EMILIN2: variants seen among roughly 807,000 people sequenced by gnomAD.
EMILIN2 encodes elastin microfibril interfacer 2.
In EMILIN2, 71 loss-of-function variants were observed where a neutral mutation model predicts 87.1. The observed-to-expected ratio is 0.82, with a 90% CI of 0.67 to 0.99. EMILIN2 has a LOEUF of 0.99. Among genes scored for constraint, EMILIN2 ranks in the 50% least tolerant of loss-of-function variants. The pLI, the probability that EMILIN2 is intolerant of heterozygous loss-of-function variation, is 0.00. For missense variants in EMILIN2, 1,407 were observed against 1,371.8 expected (o/e 1.03, Z -0.40); for synonymous variants, 581 against 563.4 (o/e 1.03, Z -0.44).
intron 2 of EMILIN2, among the ~76,000 whole-genome samples, chr18:2,878,145 T>A (rs200723220): frequency 0.17 from 14 of 82 alleles, no homozygotes; most frequent in Non-Finnish European, 0.29. Context: ...CATAACAACG[T>A]TAAGTGTGCT....
intron 2 of EMILIN2, among the ~76,000 whole-genome samples, chr18:2,879,051 G>C (rs2076763893): frequency 6.6e-6 from 1 of 152,194 alleles, no homozygotes; most frequent in South Asian, 2.1e-4. Flanking sequence ...GGTCCCCTGG[G>C]ATGATTCCCT....
At chr18:2,887,317 T>C (rs1047432824) in intron 3 of EMILIN2, among the ~76,000 whole-genome samples, 3 of 151,932 alleles carry the variant, frequency 2.0e-5, no homozygotes, top group Non-Finnish European at 4.4e-5. Flanking sequence ...TAGGAAGGAG[T>C]AAAAAGAAAT....
Position 2,906,959 on chromosome 18 carries a change from G to GC in EMILIN2, c.2537dup (p.Glu847GlyfsTer74), listed in dbSNP as rs1740310504. 2.8e-6 allele frequency: 4 copies of GC among 1,404,410 alleles called. No individual in the cohort carries two copies. 87.0% of individuals were successfully genotyped at this position (1,404,410 alleles called of 1,614,324 possible). ...GCCGCCAGGCTCCACCGGGGTCATC[G>GC]CGGAGACGGGCCAGGCCGGGCCCCC... On this transcript the variant is annotated frameshift_variant, in exon 5 of 8. Coordinates refer to ENST00000254528, the MANE Select transcript of EMILIN2 (RefSeq NM_032048.3). LOFTEE classifies it high-confidence loss of function.
At chr18:2,861,672 C>T (rs1232519303) in intron 2 of EMILIN2, among the ~76,000 whole-genome samples, 1 of 152,136 alleles carries the variant, frequency 6.6e-6, no homozygotes, top group Admixed American at 6.6e-5. Context: ...AGTGTGATGC[C>T]TCCAGCTTTG....
At position 2,880,122 on chromosome 18, in the gene EMILIN2, T is replaced by A. The variant is rs1013723721; in HGVS notation, c.258-4842T>A. Among the ~76,000 whole-genome samples the A allele has an allele frequency of 2.6e-5, 4 of 152,116 alleles. No individual in the cohort carries two copies. The highest frequency in any genetic ancestry group is 7.2e-5 in the African/African-American group (3 of 41,416). On this transcript the variant is annotated intron_variant, in intron 2 of 7. Transcript: ENST00000254528. This position sits in a 1 kb window ranked among gnomAD's most constrained non-coding sequence, Gnocchi z 4.1. ...CAAACACGGAGTAAGCAAACACAAGTGTGAACTGAGGCGTGTTATGAAGGA... is the reference window on the plus strand; with the variant it reads ...CAAACACGGAGTAAGCAAACACAAGAGTGAACTGAGGCGTGTTATGAAGGA...
Position 2,847,981 on chromosome 18 carries a change from T to A in EMILIN2, c.257+50T>A, listed in dbSNP as rs779722942. On this transcript the variant is annotated intron_variant, in intron 2 of 7. Transcript: ENST00000254528. This position sits in a 1 kb window ranked among gnomAD's most constrained non-coding sequence, Gnocchi z 4.5. ...GCGGGGCGCGCCCGGGCCGGGGCGG[T>A]GGGGGTGGGGTGGGGTTGCTGCGCT... The A allele has an allele frequency of 8.9e-7, 1 of 1,119,718 alleles. No individual in the cohort carries two copies. The highest frequency in any genetic ancestry group is 1.4e-5 in the South Asian group (1 of 70,610). 69.4% of individuals were successfully genotyped at this position (1,119,718 alleles called of 1,614,324 possible). A position where few individuals can be genotyped will look rare whatever the true frequency, so the allele number is the denominator to read the frequency against.
Position 2,902,625 on chromosome 18 carries a change from CAAAG to C in EMILIN2, c.2360-4157_2360-4154del, listed in dbSNP as rs2076892766. Among the ~76,000 whole-genome samples the C allele has an allele frequency of 2.0e-5, 3 of 152,170 alleles. No homozygotes were observed. In the South Asian group the frequency reaches 6.2e-4, roughly 32 times the overall value. ...TACCAGTGAGCATACTGATGGCAGCCAAAGGAGGCGGGGGACTCAGAACGTCAGG... is the reference window on the plus strand; with the variant it reads ...TACCAGTGAGCATACTGATGGCAGCCGAGGCGGGGGACTCAGAACGTCAGG... On this transcript the variant is annotated intron_variant, in intron 4 of 7. Coordinates refer to ENST00000254528, the MANE Select transcript of EMILIN2 (RefSeq NM_032048.3).
Position 2,891,249 on chromosome 18 carries a change from A to C in EMILIN2, c.1122A>C (p.Thr374=), listed in dbSNP as rs767936878. 1 of 1,614,220 alleles carries C rather than the reference A, an allele frequency of 6.2e-7. No homozygotes were observed. Among genetic ancestry groups the C allele is most frequent in the South Asian group, 1.1e-5 (1 of 91,084 alleles). The change falls in exon 4 of 8, where the codon ACA becomes ACC. Residue 374 remains threonine, a synonymous_variant. Transcript: ENST00000254528. This position sits in a 1 kb window ranked among gnomAD's most constrained non-coding sequence, Gnocchi z 4.6. ...GVIELIGEKE[T]SLRKEINNLR... ...TAGAGCTCATAGGGGAGAAGGAAAC[A>C]AGCCTGAGAAAAGAAATAAATAACC...
chr18:2,876,616 A>G (rs2076749487), intron 2 of EMILIN2, among the ~76,000 whole-genome samples: 1 of 138,804 alleles, frequency 7.2e-6, no homozygotes, highest in Admixed American at 7.2e-5. Context: ...AATACAAAAA[A>G]TTAGCCGGGT....
rs946987981 is a variant in EMILIN2, at chr18:2,913,309, G to A, written c.3067G>A (p.Val1023Met). 17 of 1,613,044 alleles carry A rather than the reference G, an allele frequency of 1.1e-5. No individual in the cohort carries two copies. The highest frequency in any genetic ancestry group is 1.6e-4 in the Middle Eastern group (1 of 6,078). The change falls in exon 8 of 8, where the codon GTG (valine) becomes ATG (methionine). Residue 1023 changes from valine to methionine, a missense_variant. Coordinates refer to ENST00000254528, the MANE Select transcript of EMILIN2 (RefSeq NM_032048.3). ...GAAGGCGGGAGATGCAGTCAACGTC[G>A]TGGTGACTGGGGGCAAGCTGGCTCA... ...HLKAGDAVNV[V>M]VTGGKLAHTD...
Position 2,847,661 on chromosome 18 carries a change from G to A in EMILIN2, c.135-148G>A. On this transcript the variant is annotated intron_variant, in intron 1 of 7. Coordinates refer to ENST00000254528, the MANE Select transcript of EMILIN2 (RefSeq NM_032048.3). The surrounding 1 kb of genome is among the most constrained non-coding windows in gnomAD (Gnocchi z 4.5). ...CAGAGGCGCACCCGGGCACCCTCCG[G>A]CGTCTGCTCGGTGAAGCTCCCGCCT... 1 of 1,307,056 alleles carries A rather than the reference G, an allele frequency of 7.7e-7. No homozygotes were observed. Among genetic ancestry groups the A allele is most frequent in the Non-Finnish European group, 1.0e-6 (1 of 988,500 alleles). The allele number at this position is 1,307,056 out of a possible 1,614,324, so 81.0% of individuals were successfully genotyped here. A position where few individuals can be genotyped will look rare whatever the true frequency, so the allele number is the denominator to read the frequency against.
chr18:2,904,523 T>C (rs1396691000), intron 4 of EMILIN2, among the ~76,000 whole-genome samples: 3 of 152,252 alleles, frequency 2.0e-5, no homozygotes, highest in African/African-American at 7.2e-5. Flanking sequence ...CCTTGATTTT[T>C]ATCTACCAAC....
In EMILIN2 at chr18:2,890,577, A is replaced by G. The variant is rs772261567; in HGVS notation, c.450A>G (p.Gln150=). 4.4e-6 allele frequency: 7 copies of G among 1,574,024 alleles called. No homozygotes were observed. Among genetic ancestry groups the G allele is most frequent in the Non-Finnish European group, 6.1e-6 (7 of 1,156,206 alleles). ...TTGTAACAGATAATGAACCCAGCCAATTCTCAGAGCCCAGGAAGACTTTGT... is the reference window on the plus strand; with the variant it reads ...TTGTAACAGATAATGAACCCAGCCAGTTCTCAGAGCCCAGGAAGACTTTGT... ...LKKATDNEPS[Q]FSEPRKTLSP... The change falls in exon 4 of 8, where the codon CAA becomes CAG. Residue 150 remains glutamine, a synonymous_variant. Coordinates refer to ENST00000254528, the MANE Select transcript of EMILIN2 (RefSeq NM_032048.3). The surrounding 1 kb of genome is among the most constrained non-coding windows in gnomAD (Gnocchi z 4.7).
chr18:2,869,879 TAGTA>T (rs1393097163), intron 2 of EMILIN2, among the ~76,000 whole-genome samples: 9 of 152,052 alleles, frequency 5.9e-5, no homozygotes, highest in Non-Finnish European at 1.3e-4. Context: ...CTTTTACTGA[TAGTA>T]AGGATACTTC....
chr18:2,899,121 A>T (rs1352027465), intron 4 of EMILIN2, among the ~76,000 whole-genome samples: 1 of 152,202 alleles, frequency 6.6e-6, no homozygotes, highest in Non-Finnish European at 1.5e-5. Flanking sequence ...CTCACTCAGG[A>T]GATCGCTGCT....
chr18:2,898,166 C>T (rs997399022), intron 4 of EMILIN2, among the ~76,000 whole-genome samples: 1 of 152,190 alleles, frequency 6.6e-6, no homozygotes, highest in African/African-American at 2.4e-5. Flanking sequence ...CCACTCGAGT[C>T]TGAGTGACCC....
chr18:2,881,641 C>G (rs2144018719), intron 2 of EMILIN2, among the ~76,000 whole-genome samples: 1 of 152,348 alleles, frequency 6.6e-6, no homozygotes, highest in South Asian at 2.1e-4. Context: ...GGCTCAGCCT[C>G]CTCTGAGACA....
intron 4 of EMILIN2, among the ~76,000 whole-genome samples, chr18:2,893,239 T>G (rs2076848051): frequency 6.6e-6 from 1 of 152,144 alleles, no homozygotes. Context: ...GCATAACAGC[T>G]TGGGGCAGTG....
intron 7 of EMILIN2, among the ~76,000 whole-genome samples, chr18:2,912,063 C>T (rs568391385): frequency 5.9e-5 from 7 of 117,974 alleles, no homozygotes; most frequent in Non-Finnish European, 9.9e-5. Flanking sequence ...TTTTCTGAGA[C>T]AGTCTTGTTC....
Sources: allele counts gnomAD v4.1 joint callset (sites outside exome capture counted in the v4.1 genomes callset), GRCh38; gene constraint gnomAD v4.1.1; non-coding constraint Gnocchi (gnomAD v3.1); transcripts MANE v1.5; gene names NCBI Gene and HGNC (gene_info 2026-07-23, HGNC 2026-07-21).